The following SEC23B variants were observed in gnomAD, a reference collection of about 807,000 sequenced individuals.
The protein encoded by SEC23B is SEC23 homolog B, COPII component.
A neutral mutation model predicts 104.3 loss-of-function variants in SEC23B; 77 were observed. The ratio of observed to expected loss-of-function variants is 0.74; its 90% CI spans 0.61 to 0.89. The LOEUF is 0.89. Ranked by LOEUF, SEC23B falls within the 40% of genes least tolerant of loss-of-function variation. SEC23B has a pLI of 0.00. For missense variants in SEC23B, 885 were observed against 949.4 expected, an observed-to-expected ratio of 0.93 and a Z score of 0.89; for synonymous variants, 338 against 332.5, an observed-to-expected ratio of 1.02 and a Z score of -0.18.
chr20:18,530,423 T>C (rs1306216985), intron 9 of SEC23B, among the ~76,000 whole-genome samples: 2 of 152,046 alleles, frequency 1.3e-5, no homozygotes. Context: ...TTAGCAGAGA[T>C]GGGGTTTCAC....
chr20:18,549,913 G>A (rs1178663876), intron 16 of SEC23B, among the ~76,000 whole-genome samples: 2 of 151,796 alleles, frequency 1.3e-5, no homozygotes, highest in African/African-American at 2.4e-5. Flanking sequence ...GGCGGAGGCT[G>A]CAGTGAGTTG....
chr20:18,551,210 T>A, intron 17 of SEC23B, 35 bp downstream of exon 17: 2 of 1,222,556 alleles, frequency 1.6e-6, no homozygotes, highest in Non-Finnish European at 2.4e-6. Flanking sequence ...AATTTCTTTT[T>A]GTTTTTAAAT....
chr20:18,537,628 C>G (rs1184899486), intron 12 of SEC23B, among the ~76,000 whole-genome samples: 2 of 151,988 alleles, frequency 1.3e-5, no homozygotes, highest in African/African-American at 2.4e-5. Flanking sequence ...GGAGATATAA[C>G]TAATGCTAAA....
At chr20:18,534,427 A>G (rs943483464) in intron 11 of SEC23B, among the ~76,000 whole-genome samples, 3 of 152,202 alleles carry the variant, frequency 2.0e-5, no homozygotes, top group Non-Finnish European at 4.4e-5. Flanking sequence ...GTTTACATTC[A>G]GGCAAAGCCT....
At chr20:18,508,926 G>A (rs1180269956) in intron 1 of SEC23B, among the ~76,000 whole-genome samples, 1 of 152,046 alleles carries the variant, frequency 6.6e-6, no homozygotes, top group African/African-American at 2.4e-5. Flanking sequence ...TTGCCATGTT[G>A]GCCAGGCTGG....
At chr20:18,532,599 G>A (rs1304102672) in intron 10 of SEC23B, 65 bp from the exon 11 acceptor site, 2 of 1,111,422 alleles carry the variant, frequency 1.8e-6, no homozygotes, top group Non-Finnish European at 2.8e-6. Flanking sequence ...TTTCATTGTG[G>A]CCATGATGAC....
chr20:18,552,821 A>AAAACC (rs1429286221), intron 17 of SEC23B, among the ~76,000 whole-genome samples: 1 of 152,184 alleles, frequency 6.6e-6, no homozygotes, highest in Non-Finnish European at 1.5e-5. Flanking sequence ...CTCAAAAAAC[A>AAAACC]AAACCAAAAA....
chr20:18,512,794 G>A (rs900573719), intron 3 of SEC23B, among the ~76,000 whole-genome samples: 2 of 152,200 alleles, frequency 1.3e-5, no homozygotes, highest in African/African-American at 4.8e-5. Context: ...GCTCATGCCT[G>A]TAATCCCAGC....
chr20:18,542,335 C>G lies in SEC23B; in HGVS notation c.1444C>G (p.Gln482Glu). 1 of 1,614,224 alleles carries G rather than the reference C, an allele frequency of 6.2e-7. No homozygotes were observed. Among genetic ancestry groups the G allele is most frequent in the Non-Finnish European group, 8.5e-7 (1 of 1,180,044 alleles). ...CCCCCAAGGAGGCAGAGGAGCCATC[C>G]AGTTTGTCACGCATTATCAGCACTC... ...PIPQGGRGAI[Q>E]FVTHYQHSST... The change falls in exon 13 of 20, where the codon CAG (glutamine) becomes GAG (glutamate). Residue 482 changes from glutamine (Q) to glutamate (E), a missense_variant. Physicochemically the swap from Gln to Glu is conservative, Grantham distance 29 (BLOSUM62 2). Transcript: ENST00000650089.
At chr20:18,553,494 A>C (rs1206362737) in intron 17 of SEC23B, among the ~76,000 whole-genome samples, 1 of 152,242 alleles carries the variant, frequency 6.6e-6, no homozygotes, top group Non-Finnish European at 1.5e-5. Flanking sequence ...CTTTATTTAT[A>C]AAGGTATATG....
chr20:18,554,971 TCTAATTA>T lies in SEC23B; in HGVS notation c.2149-136_2149-130del. 18 of 69,894 alleles carry T rather than the reference TCTAATTA, an allele frequency of 2.6e-4. 5 individuals are homozygous for T. Among genetic ancestry groups the T allele is most frequent in the South Asian group, 8.4e-4 (4 of 4,774 alleles). 4.3% of individuals were successfully genotyped at this position (69,894 alleles called of 1,614,324 possible). On this transcript the variant is annotated intron_variant, in intron 18 of 19. Coordinates refer to ENST00000650089, the MANE Select transcript of SEC23B (RefSeq NM_006363.6). ...ATAGATTACTGTGCAGTAAAACAAT[TCTAATTA>T]GATTACTGTGCAGTAAAACAATTCT...
intron 19 of SEC23B, among the ~76,000 whole-genome samples, chr20:18,556,409 A>AT (rs2060439046): frequency 6.6e-6 from 1 of 152,250 alleles, no homozygotes; most frequent in African/African-American, 2.4e-5. Context: ...GGATGACTGT[A>AT]TATAGAAATA....
At chr20:18,508,913 G>A (rs1391621436) in intron 1 of SEC23B, among the ~76,000 whole-genome samples, 4 of 152,062 alleles carry the variant, frequency 2.6e-5, no homozygotes, top group Admixed American at 2.6e-4. Flanking sequence ...TAGAGACGGG[G>A]TTTTGCCATG....
chr20:18,512,181 A>C, intron 2 of SEC23B, 44 bp from the exon 3 acceptor site: 1 of 1,214,506 alleles, frequency 8.2e-7, no homozygotes, highest in East Asian at 2.4e-5. Flanking sequence ...TTTTATTTTA[A>C]AAATAAAAGT....
rs78213959 is a variant in SEC23B, at chr20:18,528,200, C to T, written c.1109+589C>T. On this transcript the variant is annotated intron_variant, in intron 9 of 19. Transcript: ENST00000650089. ...CCCAGACCTCCTGAATCGGAAACCC[C>T]GGGAATGCAGCTCTCTAGGAGATTC... Among the ~76,000 whole-genome samples, 26 of 152,252 alleles carry T rather than the reference C, an allele frequency of 1.7e-4. No homozygotes were observed. The East Asian group carries it at 4.6e-3, about 27-fold the overall frequency.
At chr20:18,541,719 A>G (rs1387864897) in intron 12 of SEC23B, among the ~76,000 whole-genome samples, 1 of 152,228 alleles carries the variant, frequency 6.6e-6, no homozygotes, top group Non-Finnish European at 1.5e-5. Context: ...GGTAACATCA[A>G]AGATCACTGA....
chr20:18,509,465 G>C (rs1303822918), intron 1 of SEC23B, among the ~76,000 whole-genome samples: 1 of 152,172 alleles, frequency 6.6e-6, no homozygotes, highest in African/African-American at 2.4e-5. Context: ...TTGTTCCCTT[G>C]AACCCCAATA....
At chr20:18,557,728 TTTTTCTTTTTTC>T (rs1455154194) in intron 19 of SEC23B, among the ~76,000 whole-genome samples, 3 of 145,388 alleles carry the variant, frequency 2.1e-5, no homozygotes, top group African/African-American at 7.5e-5. Context: ...AGCCATTCTT[TTTTTCTTTTTTC>T]TTTTCTTTTT....
rs1223382669 is a variant in SEC23B at position 18,559,078 on chromosome 20, GGT to G, written c.2215-1571_2215-1570del. On this transcript the variant is annotated intron_variant, in intron 19 of 19. Coordinates refer to ENST00000650089, the MANE Select transcript of SEC23B (RefSeq NM_006363.6). Reference sequence around the variant, plus strand: ...CACTACTCTGACAGGGAAGGTGGTTGGTGGGGGGGGTGTCGGGGGCACTGGTG... The same window carrying G: ...CACTACTCTGACAGGGAAGGTGGTTGGGGGGGGGTGTCGGGGGCACTGGTG... 2.3e-3 allele frequency among the ~76,000 whole-genome samples: 124 copies of G among 53,516 alleles called. 3 individuals are homozygous for G. Among genetic ancestry groups the G allele is most frequent in the Admixed American group, 3.8e-3 (20 of 5,288 alleles). 35.1% of individuals were successfully genotyped at this position (53,516 alleles called of 152,430 possible).
Sources: allele counts gnomAD v4.1 joint callset (sites outside exome capture counted in the v4.1 genomes callset), GRCh38; gene constraint gnomAD v4.1.1; transcripts MANE v1.5; gene names NCBI Gene and HGNC (gene_info 2026-07-23, HGNC 2026-07-21).